The following UIMC1 variants were observed in gnomAD, a reference collection of about 807,000 sequenced individuals.
UIMC1 encodes the protein BRCA1-A complex subunit RAP80.
A neutral mutation model predicts 84.9 loss-of-function variants in UIMC1; 42 were observed. The observed-to-expected ratio is 0.49, with a 90% CI of 0.39 to 0.64. UIMC1 has a LOEUF of 0.64. UIMC1 is among the 30% of genes least tolerant of loss of function. The probability of loss-of-function intolerance (pLI) is 0.00; values close to 1 mark genes in which losing one functional copy is unlikely to be tolerated. For missense variants in UIMC1, 825 were observed against 847.6 expected, an observed-to-expected ratio of 0.97 and a Z score of 0.33; for synonymous variants, 281 against 293.0, an observed-to-expected ratio of 0.96 and a Z score of 0.42.
intron 1 of UIMC1, among the ~76,000 whole-genome samples, chr5:177,012,399 T>G (rs1211032914): frequency 6.6e-6 from 1 of 152,096 alleles, no homozygotes; most frequent in African/African-American, 2.4e-5. Context: ...TCTTACTGAC[T>G]TCGAAACTGA....
At position 176,968,589 on chromosome 5, in the gene UIMC1, A is replaced by C. The variant is rs767187555; in HGVS notation, c.1166T>G (p.Leu389Trp). ...ACTGGTTGTTGGTTCTTCCTCCAAC[A>C]AAAGTTTCTCTTTCAAGCTTTTAAT... The part of the protein sequence containing the change: ...SSIKSLKEKL[L>W]LEEEPTTSHG... Residue 389 changes from leucine to tryptophan, a missense_variant, in exon 6 of 15, where the codon TTG becomes TGG. Physicochemically the swap from Leu to Trp is moderately conservative, Grantham distance 61. Transcript: ENST00000511320. The C allele has an allele frequency of 1.9e-6, 3 of 1,612,528 alleles. No homozygotes were observed. The highest frequency in any genetic ancestry group is 3.4e-5 in the Admixed American group (2 of 59,602).
chr5:176,996,686 C>T (rs1773659853), intron 1 of UIMC1, among the ~76,000 whole-genome samples: 1 of 152,138 alleles, frequency 6.6e-6, no homozygotes, highest in Non-Finnish European at 1.5e-5. Flanking sequence ...CAGTTCAAAT[C>T]ACAGGTTGAA....
intron 10 of UIMC1, among the ~76,000 whole-genome samples, chr5:176,943,109 T>C (rs2149442763): frequency 6.6e-6 from 1 of 152,042 alleles, no homozygotes. Context: ...AATGAAAGAC[T>C]TTTCCCTTCC....
intron 2 of UIMC1, among the ~76,000 whole-genome samples, chr5:176,979,521 TG>T: frequency 6.6e-6 from 1 of 151,700 alleles, no homozygotes; most frequent in Non-Finnish European, 1.5e-5. Context: ...GAGAATCGCT[TG>T]AACCTGGGAG....
chr5:176,945,682 A>G (rs555173767), intron 9 of UIMC1, among the ~76,000 whole-genome samples: 3 of 152,304 alleles, frequency 2.0e-5, no homozygotes, highest in Admixed American at 6.5e-5. Flanking sequence ...GTCCATATGG[A>G]TAAGATAGGG....
intron 10 of UIMC1, among the ~76,000 whole-genome samples, chr5:176,922,886 C>CTTA (rs1306095666): frequency 6.6e-6 from 1 of 152,222 alleles, no homozygotes; most frequent in East Asian, 1.9e-4. Context: ...AGAGAACAGG[C>CTTA]TTATCTCTAA....
chr5:176,989,637 A>G (rs1772512503), intron 1 of UIMC1, among the ~76,000 whole-genome samples: 1 of 151,884 alleles, frequency 6.6e-6, no homozygotes, highest in East Asian at 1.9e-4. Flanking sequence ...AGCCTAGTCA[A>G]CCGACCAAGA....
chr5:176,971,065 T>C (rs2149486904), intron 3 of UIMC1, among the ~76,000 whole-genome samples, 199 bp from the exon 4 acceptor site: 1 of 152,340 alleles, frequency 6.6e-6, no homozygotes, highest in East Asian at 1.9e-4. Context: ...AACAAGAATC[T>C]TGGGTTAACT....
chr5:176,925,368 T>C (rs1422368227), intron 10 of UIMC1, among the ~76,000 whole-genome samples: 1 of 152,014 alleles, frequency 6.6e-6, no homozygotes, highest in Non-Finnish European at 1.5e-5. Context: ...ACAAGTAAAA[T>C]AACTAGAATG....
chr5:176,941,652 G>T (rs1007566041), intron 10 of UIMC1, among the ~76,000 whole-genome samples: 1 of 152,212 alleles, frequency 6.6e-6, no homozygotes, highest in South Asian at 2.1e-4. Context: ...GCACTGAGAA[G>T]AACACTGCAA....
At chr5:177,000,496 G>GTTTTTTTTTTTTTTTTT (rs1490596086) in intron 1 of UIMC1, among the ~76,000 whole-genome samples, 1 of 125,960 alleles carries the variant, frequency 7.9e-6, no homozygotes, top group Admixed American at 7.7e-5. Flanking sequence ...CCACTTGCAT[G>GTTTTTTTTTTTTTTTTT]TCTTTTTTTT....
intron 6 of UIMC1, among the ~76,000 whole-genome samples, chr5:176,965,169 C>T (rs1054707625): frequency 5.9e-5 from 9 of 152,084 alleles, no homozygotes; most frequent in African/African-American, 1.9e-4. Context: ...CGCCTGTAAT[C>T]CCAGCACTTT....
intron 10 of UIMC1, among the ~76,000 whole-genome samples, chr5:176,922,385 T>C (rs4490607): frequency 0.42 from 63,189 of 152,074 alleles, 13,421 homozygotes; most frequent in East Asian, 0.48. Flanking sequence ...TACCCTACAA[T>C]TGGCTTAGCC....
chr5:176,951,569 G>C lies in UIMC1; in HGVS notation c.1348C>G (p.Leu450Val), dbSNP rs1765884594. Residue 450 changes from leucine to valine, a missense_variant, in exon 9 of 15, where the codon CTA (leucine) becomes GTA (valine). Coordinates refer to ENST00000511320, the MANE Select transcript of UIMC1 (RefSeq NM_001199298.2). ...EEITVCPETQ[L>V]SSSETFDLER... is the part of the protein sequence containing the mutation. ...AGGTCAAAAGTTTCAGAGGAACTTA[G>C]CTGGGTCTCTGTAATTTAAAAAAGT... 6.3e-7 allele frequency: 1 copy of C among 1,577,244 alleles called. No individual in the cohort carries two copies. Among genetic ancestry groups the C allele is most frequent in the Non-Finnish European group, 8.6e-7 (1 of 1,166,230 alleles).
intron 3 of UIMC1, 93 bp from the exon 4 acceptor site, chr5:176,970,959 A>AGT (rs1192856994): frequency 1.4e-5 from 20 of 1,439,452 alleles, no homozygotes; most frequent in Non-Finnish European, 1.8e-5. Context: ...TTTCAACTGA[A>AGT]GACACTACCA....
At chr5:176,946,329 T>G (rs1286370081) in intron 9 of UIMC1, among the ~76,000 whole-genome samples, 6 of 151,958 alleles carry the variant, frequency 3.9e-5, no homozygotes, top group Non-Finnish European at 8.8e-5. Context: ...CTGACCAACA[T>G]AGCGAAACCC....
At position 176,970,271 on chromosome 5, in the gene UIMC1, CAAAAAAAAAAAAA is replaced by C. The variant is rs57976266; in HGVS notation, c.357+458_357+470del. On this transcript the variant is annotated intron_variant, in intron 4 of 14. Transcript: ENST00000511320. ...TGGGCAATGGAGTGAGACTCCATCT[CAAAAAAAAAAAAA>C]AAAAAAAAAAATTCAGTTGTGCATA... The C allele has an allele frequency of 3.2e-3, 249 of 78,042 alleles. 1 individual carries two copies. Among genetic ancestry groups the C allele is most frequent in the African/African-American group, 9.9e-3 (235 of 23,808 alleles). 4.8% of individuals were successfully genotyped at this position (78,042 alleles called of 1,614,324 possible). A position where few individuals can be genotyped will look rare whatever the true frequency, so the allele number is the denominator to read the frequency against.
intron 10 of UIMC1, among the ~76,000 whole-genome samples, chr5:176,912,516 A>G: frequency 6.8e-6 from 1 of 146,626 alleles, no homozygotes. Context: ...CTTCTTGCTC[A>G]GGCTGGAGTG....
chr5:176,986,067 C>T (rs1318506560), intron 1 of UIMC1, among the ~76,000 whole-genome samples: 1 of 151,214 alleles, frequency 6.6e-6, no homozygotes, highest in Non-Finnish European at 1.5e-5. Flanking sequence ...TCCTATGCAA[C>T]GTATTTTTTT....
Sources: gnomAD v4.1 joint callset for allele counts (sites outside exome capture counted in the v4.1 genomes callset) on GRCh38, gnomAD v4.1.1 for gene constraint, MANE v1.5 for transcripts, NCBI Gene and HGNC (gene_info 2026-07-23, HGNC 2026-07-21) for gene names.